Variants in DAB1 observed in about 807,000 individuals in gnomAD.
DAB1 encodes the protein DAB adaptor protein 1, also known as disabled homolog 1.
A neutral mutation model predicts 64.6 loss-of-function variants in DAB1; 15 were observed. That is an observed-to-expected ratio of 0.23 (90% confidence interval 0.16 to 0.36). The LOEUF is 0.36. Among genes scored for constraint, DAB1 ranks in the 10% least tolerant of loss-of-function variants. The probability of loss-of-function intolerance (pLI) is 1.00; values close to 1 mark genes in which losing one functional copy is unlikely to be tolerated. For synonymous variants in DAB1, 235 were observed against 251.9 expected (o/e 0.93, Z 0.64); for missense variants, 596 against 706.7 (o/e 0.84, Z 1.78).
intron 2 of DAB1, among the ~76,000 whole-genome samples, chr1:57,232,305 T>TTTTG (rs1491306920): frequency 6.8e-6 from 1 of 146,406 alleles, no homozygotes; most frequent in Non-Finnish European, 1.5e-5. Flanking sequence ...TTTTTTTTTT[T>TTTTG]GCACGAACCT....
In DAB1 at chr1:58,518,277, G is replaced by GGA. The variant is rs1553123888; in HGVS notation, n.107+8982_107+8983dup. ...GGGAGAGGGGAGAGGAGAGAGGAGAGGAGAAGAGAAGAGAAGAGAAGAGAA... is the reference window on the plus strand; with the variant it reads ...GGGAGAGGGGAGAGGAGAGAGGAGAGGAGAGAAGAGAAGAGAAGAGAAGAGAA... On this transcript the variant is annotated intron_variant and non_coding_transcript_variant, in intron 2 of 20. Coordinates refer to the DAB1 transcript ENST00000485760. 8.3e-4 allele frequency among the ~76,000 whole-genome samples: 2 copies of GGA among 2,400 alleles called. 1 individual carries two copies. 1.6% of individuals were successfully genotyped at this position (2,400 alleles called of 152,430 possible).
chr1:58,533,275 A>AAAC (rs2100480078), intron 1 of DAB1, among the ~76,000 whole-genome samples: 1 of 152,352 alleles, frequency 6.6e-6, no homozygotes, highest in East Asian at 1.9e-4. Flanking sequence ...TGAAAGGAAG[A>AAAC]AACACTGGAC....
chr1:57,902,010 C>T (rs1644481248), intron 5 of DAB1, among the ~76,000 whole-genome samples: 2 of 151,896 alleles, frequency 1.3e-5, no homozygotes, highest in Non-Finnish European at 2.9e-5. Context: ...ACAAAATTAG[C>T]TGGGCATGGT....
At chr1:57,558,036 C>T (rs1215709388) in intron 7 of DAB1, among the ~76,000 whole-genome samples, 4 of 152,190 alleles carry the variant, frequency 2.6e-5, no homozygotes, top group African/African-American at 7.2e-5. Flanking sequence ...AAGTTGCATG[C>T]ACAGCCTTGC....
chr1:57,606,770 T>A (rs921697393), intron 7 of DAB1, among the ~76,000 whole-genome samples: 8 of 96,622 alleles, frequency 8.3e-5, no homozygotes, highest in African/African-American at 3.1e-4. Flanking sequence ...ATATTATATA[T>A]AAATATATTT....
chr1:57,046,198 A>T (rs1169830444), intron 9 of DAB1, among the ~76,000 whole-genome samples: 1 of 152,206 alleles, frequency 6.6e-6, no homozygotes, highest in Non-Finnish European at 1.5e-5. Context: ...TGTGTTTTTA[A>T]AAGTGTCAAA....
At chr1:58,061,992 C>G (rs531428261) in intron 5 of DAB1, among the ~76,000 whole-genome samples, 2 of 152,284 alleles carry the variant, frequency 1.3e-5, no homozygotes, top group Non-Finnish European at 2.9e-5. Flanking sequence ...TTAACCTAAC[C>G]TCCATTTCAA....
intron 2 of DAB1, among the ~76,000 whole-genome samples, chr1:58,521,365 T>C (rs1646260211): frequency 6.6e-6 from 1 of 151,852 alleles, no homozygotes; most frequent in African/African-American, 2.4e-5. Flanking sequence ...ATAGTAGTAT[T>C]CATCTTAAGT....
At chr1:58,213,199 C>A (rs1031547967) in intron 4 of DAB1, among the ~76,000 whole-genome samples, 2 of 152,156 alleles carry the variant, frequency 1.3e-5, no homozygotes, top group Non-Finnish European at 2.9e-5. Flanking sequence ...CTTCAGGCAA[C>A]TGATTCTTTT....
In DAB1 at chr1:57,339,986, C is replaced by T. The variant is rs1460848919; in HGVS notation, c.-136-48820G>A. ...AGACTAGCAGAATCTAGGATGGTTT[C>T]GATTCATTCAAAGGATTCATCCTGT... On this transcript the variant is annotated intron_variant, in intron 1 of 14. Transcript: ENST00000371236. Among the ~76,000 whole-genome samples, 6 of 152,032 alleles carry T rather than the reference C, an allele frequency of 3.9e-5. No individual in the cohort carries two copies. The South Asian group carries it at 6.2e-4, about 16-fold the overall frequency.
At chr1:58,357,175 G>T (rs955875628) in intron 3 of DAB1, among the ~76,000 whole-genome samples, 4 of 152,098 alleles carry the variant, frequency 2.6e-5, no homozygotes, top group African/African-American at 9.7e-5. Flanking sequence ...TGAGGCAAAA[G>T]TGGAAGTGAA....
intron 2 of DAB1, among the ~76,000 whole-genome samples, chr1:57,202,684 A>T (rs1352826858): frequency 2.6e-5 from 4 of 152,210 alleles, no homozygotes; most frequent in Admixed American, 6.5e-5. Context: ...GCATTTTCAC[A>T]TCCATCCATT....
intron 6 of DAB1, among the ~76,000 whole-genome samples, chr1:57,656,352 T>G (rs892937937): frequency 3.3e-5 from 5 of 151,644 alleles, no homozygotes; most frequent in African/African-American, 1.2e-4. Context: ...GCAAAAGTAA[T>G]TGTGTGTGTG....
intron 5 of DAB1, among the ~76,000 whole-genome samples, chr1:58,121,654 C>T (rs925461562): frequency 2.0e-5 from 3 of 152,140 alleles, no homozygotes; most frequent in Non-Finnish European, 2.9e-5. Context: ...GTCTGCCTGC[C>T]CGACCCAACT....
At chr1:57,982,031 C>T (rs371594809) in intron 5 of DAB1, among the ~76,000 whole-genome samples, 1 of 152,158 alleles carries the variant, frequency 6.6e-6, no homozygotes, top group East Asian at 1.9e-4. Context: ...CTCTCAGTGA[C>T]AGAAACACTG....
At chr1:57,305,515 C>T (rs1404077651) in intron 1 of DAB1, among the ~76,000 whole-genome samples, 2 of 152,148 alleles carry the variant, frequency 1.3e-5, no homozygotes, top group African/African-American at 4.8e-5. Flanking sequence ...GCAGAGAGAG[C>T]CCCTGGAGGG....
chr1:58,020,386 A>G (rs1646799196), intron 5 of DAB1, among the ~76,000 whole-genome samples: 1 of 152,214 alleles, frequency 6.6e-6, no homozygotes, highest in Non-Finnish European at 1.5e-5. Context: ...GAATTCCTGT[A>G]AGGAGCTTAG....
At chr1:57,866,078 A>G (rs1233326839) in intron 1 of DAB1, among the ~76,000 whole-genome samples, 1 of 152,206 alleles carries the variant, frequency 6.6e-6, no homozygotes, top group Non-Finnish European at 1.5e-5. Flanking sequence ...ATTTCAACAT[A>G]TGAATTTTGT....
At chr1:57,992,156 G>A (rs10789056) in intron 5 of DAB1, among the ~76,000 whole-genome samples, 143,741 of 152,296 alleles carry the variant, frequency 0.94, 68,144 homozygotes, top group East Asian at 1. Context: ...ATGATTCCAC[G>A]TACATACAGT....
Sources: gnomAD v4.1 joint callset for allele counts (sites outside exome capture counted in the v4.1 genomes callset) on GRCh38, gnomAD v4.1.1 for gene constraint, MANE v1.5 for transcripts, NCBI Gene and HGNC (gene_info 2026-07-23, HGNC 2026-07-21) for gene names.